The following RXFP1 variants were observed in gnomAD, a reference collection of about 807,000 sequenced individuals.
RXFP1 encodes the protein relaxin receptor 1.
In RXFP1, 73 loss-of-function variants were observed where a neutral mutation model predicts 89.8. The observed-to-expected ratio is 0.81, with a 90% CI of 0.67 to 0.99. The LOEUF (loss-of-function observed/expected upper bound fraction) is 0.99, where lower values mean the gene tolerates loss of function less well. Ranked by LOEUF, RXFP1 falls within the 50% of genes least tolerant of loss-of-function variation. The pLI, the probability that RXFP1 is intolerant of heterozygous loss-of-function variation, is 0.00. For missense variants in RXFP1, 793 were observed against 895.5 expected (o/e 0.89, Z 1.46); for synonymous variants, 277 against 305.5 (o/e 0.91, Z 0.97).
chr4:158,592,795 A>G (rs1297251496), intron 2 of RXFP1, among the ~76,000 whole-genome samples: 1 of 152,020 alleles, frequency 6.6e-6, no homozygotes, highest in Non-Finnish European at 1.5e-5. Context: ...AGTGCTTGTT[A>G]AAAACAGAGA....
At chr4:158,522,619 T>C (rs977995050) in intron 1 of RXFP1, among the ~76,000 whole-genome samples, 10 of 152,228 alleles carry the variant, frequency 6.6e-5, no homozygotes, top group Non-Finnish European at 1.5e-4. Context: ...TTGTTTTCTC[T>C]GTGTGTGCTA....
At chr4:158,628,596 T>C in intron 10 of RXFP1, 42 bp from the exon 11 acceptor site, 1 of 948,944 alleles carries the variant, frequency 1.1e-6, no homozygotes. Flanking sequence ...TTCTTGTCGG[T>C]TACCTAAAGA....
At chr4:158,523,103 C>G (rs1337567197) in intron 1 of RXFP1, among the ~76,000 whole-genome samples, 1 of 152,160 alleles carries the variant, frequency 6.6e-6, no homozygotes, top group Non-Finnish European at 1.5e-5. Context: ...CTAGCCTTCT[C>G]CATCTCTAAT....
chr4:158,621,081 T>G (rs1230439621), intron 9 of RXFP1, among the ~76,000 whole-genome samples: 4 of 151,996 alleles, frequency 2.6e-5, no homozygotes, highest in Non-Finnish European at 4.4e-5. Flanking sequence ...GAAGTTGCAG[T>G]GAGCTGAGAT....
At chr4:158,551,903 G>T (rs1421214989) in intron 1 of RXFP1, among the ~76,000 whole-genome samples, 1 of 152,054 alleles carries the variant, frequency 6.6e-6, no homozygotes, top group East Asian at 1.9e-4. Flanking sequence ...ATCACACACT[G>T]GTTACTCCAG....
chr4:158,592,370 T>A (rs1423778513), intron 2 of RXFP1, among the ~76,000 whole-genome samples: 1 of 151,828 alleles, frequency 6.6e-6, no homozygotes, highest in African/African-American at 2.4e-5. Flanking sequence ...GGTCAGGAGT[T>A]CCAGACCAGC....
chr4:158,557,833 C>G (rs1290916175), intron 1 of RXFP1, among the ~76,000 whole-genome samples: 3 of 152,212 alleles, frequency 2.0e-5, no homozygotes, highest in Admixed American at 2.0e-4. Context: ...GAGTCACCTT[C>G]ACTGACTCCA....
Position 158,653,274 on chromosome 4 carries a change from AC to A in RXFP1, c.*1220del, listed in dbSNP as rs1773030668. The A allele has an allele frequency of 6.6e-6, 1 of 152,252 alleles. No individual in the cohort carries two copies. Among genetic ancestry groups the A allele is most frequent in the African/African-American group, 2.4e-5 (1 of 41,458 alleles). The allele number at this position is 152,252 out of a possible 1,614,324, so 9.4% of individuals were successfully genotyped here. A position where few individuals can be genotyped will look rare whatever the true frequency, so the allele number is the denominator to read the frequency against. On this transcript the variant is annotated 3_prime_UTR_variant, in exon 18 of 18. Transcript: ENST00000307765. Reference sequence around the variant, plus strand: ...TTCAAATACACCAAAAATGTTTGAAACACAAAAATACTGGAATCAAACCATA... The same window carrying A: ...TTCAAATACACCAAAAATGTTTGAAAACAAAAATACTGGAATCAAACCATA...
intron 11 of RXFP1, among the ~76,000 whole-genome samples, chr4:158,630,707 C>T (rs1767870852): frequency 6.6e-6 from 1 of 152,186 alleles, no homozygotes; most frequent in South Asian, 2.1e-4. Context: ...CTTTAATGCA[C>T]CTAATCCCAT....
intron 8 of RXFP1, among the ~76,000 whole-genome samples, chr4:158,615,101 A>T (rs1416644961): frequency 6.6e-6 from 1 of 152,082 alleles, no homozygotes; most frequent in African/African-American, 2.4e-5. Context: ...TCATTTGAAC[A>T]CTTAGAAGCC....
chr4:158,579,712 G>C (rs531780239), intron 2 of RXFP1, among the ~76,000 whole-genome samples: 1 of 152,328 alleles, frequency 6.6e-6, no homozygotes, highest in South Asian at 2.1e-4. Flanking sequence ...TTCTGGTCCA[G>C]ATTAAAGCAA....
intron 1 of RXFP1, among the ~76,000 whole-genome samples, chr4:158,548,963 C>T (rs553184483): frequency 8.8e-4 from 133 of 151,124 alleles, no homozygotes; most frequent in African/African-American, 3.1e-3. Flanking sequence ...ATCTTTGTGG[C>T]GTTCTCTGTA....
At position 158,612,382 on chromosome 4, in the gene RXFP1, A is replaced by G. The variant is rs368058365; in HGVS notation, c.680+20A>G. ...TCTCTTGTAAGTACTAAACTAAAGCAAATATTTCAATCAAAGGCAAAGACA... is the reference window on the plus strand; with the variant it reads ...TCTCTTGTAAGTACTAAACTAAAGCGAATATTTCAATCAAAGGCAAAGACA... On this transcript the variant is annotated intron_variant, in intron 8 of 17. Transcript: ENST00000307765. The G allele has an allele frequency of 2.0e-6, 3 of 1,494,842 alleles. No individual in the cohort carries two copies. In the African/African-American group the frequency reaches 4.2e-5, roughly 21 times the overall value. The allele number at this position is 1,494,842 out of a possible 1,614,324, so 92.6% of individuals were successfully genotyped here. A position where few individuals can be genotyped will look rare whatever the true frequency, so the allele number is the denominator to read the frequency against.
intron 9 of RXFP1, among the ~76,000 whole-genome samples, chr4:158,624,848 G>A (rs1227487616): frequency 6.6e-6 from 1 of 151,926 alleles, no homozygotes; most frequent in Non-Finnish European, 1.5e-5. Context: ...TAACACAGGA[G>A]GGGGGAAAAA....
chr4:158,547,469 A>C (rs1323595029), intron 1 of RXFP1, among the ~76,000 whole-genome samples: 1 of 151,602 alleles, frequency 6.6e-6, no homozygotes, highest in Non-Finnish European at 1.5e-5. Context: ...CTCTGACTTT[A>C]GTTATTTCTT....
At chr4:158,602,584 C>T (rs1013208938) in intron 4 of RXFP1, among the ~76,000 whole-genome samples, 3 of 151,860 alleles carry the variant, frequency 2.0e-5, no homozygotes, top group Admixed American at 2.0e-4. Context: ...AAGTTGGTTG[C>T]CTCATTAGCC....
intron 1 of RXFP1, among the ~76,000 whole-genome samples, chr4:158,532,554 G>C (rs186115915): frequency 1.3e-5 from 2 of 152,290 alleles, no homozygotes; most frequent in African/African-American, 4.8e-5. Context: ...GAGGCAGGTA[G>C]AGAGGTGAAC....
At chr4:158,578,177 A>G (rs1445856758) in intron 2 of RXFP1, among the ~76,000 whole-genome samples, 1 of 152,236 alleles carries the variant, frequency 6.6e-6, no homozygotes, top group African/African-American at 2.4e-5. Context: ...ATAGAAATGT[A>G]TAGATGTTTC....
chr4:158,594,494 T>C (rs923585689), intron 3 of RXFP1, among the ~76,000 whole-genome samples: 1 of 149,710 alleles, frequency 6.7e-6, no homozygotes, highest in Non-Finnish European at 1.5e-5. Flanking sequence ...ATAGGTACTT[T>C]GTTTGACTTT....
Sources: allele counts gnomAD v4.1 joint callset (sites outside exome capture counted in the v4.1 genomes callset), GRCh38; gene constraint gnomAD v4.1.1; transcripts MANE v1.5; gene names NCBI Gene and HGNC (gene_info 2026-07-23, HGNC 2026-07-21).